The following PIGN variants were observed in gnomAD, a reference collection of about 807,000 sequenced individuals.
PIGN encodes the protein GPI ethanolamine phosphate transferase 1.
A neutral mutation model predicts 125.4 loss-of-function variants in PIGN; 117 were observed. The ratio of observed to expected loss-of-function variants is 0.93; its 90% CI spans 0.80 to 1.09. The LOEUF is 1.09. Among genes scored for constraint, PIGN ranks in the 50% least tolerant of loss-of-function variants. PIGN has a pLI of 0.00. For missense variants in PIGN, 1,075 were observed against 1,094.9 expected, an observed-to-expected ratio of 0.98 and a Z score of 0.26; for synonymous variants, 392 against 377.8, an observed-to-expected ratio of 1.04 and a Z score of -0.44.
downstream of PIGN, among the ~76,000 whole-genome samples, chr18:62,038,308 G>GTTTTTTTTTTTTTTTTTTTTTTTTT (rs34436733): frequency 8.3e-6 from 1 of 120,088 alleles, no homozygotes; most frequent in African/African-American, 3.3e-5. Context: ...CCCCCTCCGT[G>GTTTTTTTTTTTTTTTTTTTTTTTTT]TTTTTTTTTT....
intron 16 of PIGN, 191 bp downstream of exon 16, chr18:62,112,943 T>C: frequency 1.9e-6 from 1 of 528,106 alleles, no homozygotes; most frequent in Non-Finnish European, 3.3e-6. Context: ...GGATCATTAT[T>C]ATCAATATAT....
downstream of PIGN, among the ~76,000 whole-genome samples, chr18:62,038,273 T>C (rs1356475711): frequency 6.6e-6 from 1 of 150,790 alleles, no homozygotes; most frequent in Non-Finnish European, 1.5e-5. Context: ...TCCACCGTGT[T>C]CTTAGAGAGA....
chr18:62,058,468 C>T (rs1319737541), intron 30 of PIGN, among the ~76,000 whole-genome samples: 1 of 152,180 alleles, frequency 6.6e-6, no homozygotes, highest in African/African-American at 2.4e-5. Flanking sequence ...TGGAAAGACG[C>T]AAACGTGAAT....
At chr18:62,118,386 A>G (rs948903160) in intron 14 of PIGN, among the ~76,000 whole-genome samples, 6 of 152,176 alleles carry the variant, frequency 3.9e-5, no homozygotes, top group Admixed American at 1.3e-4. Context: ...AGAAAGCCCA[A>G]TAAAATAAAT....
chr18:62,116,253 C>G (rs1292482270), intron 14 of PIGN, among the ~76,000 whole-genome samples: 1 of 152,142 alleles, frequency 6.6e-6, no homozygotes, highest in African/African-American at 2.4e-5. Context: ...TTTTGGAAGG[C>G]TATATCTAAG....
intron 14 of PIGN, among the ~76,000 whole-genome samples, chr18:62,131,641 T>A (rs1032434877): frequency 6.6e-6 from 1 of 152,286 alleles, no homozygotes; most frequent in African/African-American, 2.4e-5. Flanking sequence ...CTTTAAAATA[T>A]CAAAGAGAAA....
chr18:62,161,254 G>A lies in PIGN; in HGVS notation c.100C>T (p.Pro34Ser). ...FTSPLVHGMT[P>S]QFTPLPPPAR... ...GGAGGAGGCAATGGTGTAAACTGAG[G>A]AGTCATTCCATGAACCAAAGGAGAT... Residue 34 changes from proline to serine, a missense_variant, in exon 4 of 31, where the codon CCT becomes TCT. This residue lies in a region of PIGN where 152 missense variants were observed against 162.9 expected (regional missense o/e 0.93). Coordinates refer to ENST00000640252, the MANE Select transcript of PIGN (RefSeq NM_176787.5). The A allele has an allele frequency of 1.9e-6, 3 of 1,613,700 alleles. No individual in the cohort carries two copies.
At chr18:62,166,295 C>T (rs78091074) in intron 1 of PIGN, among the ~76,000 whole-genome samples, 3 of 152,122 alleles carry the variant, frequency 2.0e-5, no homozygotes, top group African/African-American at 7.2e-5. Context: ...ATCTTTCATG[C>T]CCCTTCTCAA....
intron 26 of PIGN, among the ~76,000 whole-genome samples, chr18:62,084,966 G>A (rs1366395970): frequency 6.6e-6 from 1 of 152,104 alleles, no homozygotes; most frequent in African/African-American, 2.4e-5. Flanking sequence ...AAATTAGCCA[G>A]GCATGGTGGC....
At chr18:62,093,736 C>G (rs1599501373) in intron 23 of PIGN, among the ~76,000 whole-genome samples, 1 of 151,940 alleles carries the variant, frequency 6.6e-6, no homozygotes, top group African/African-American at 2.4e-5. Flanking sequence ...TATAATATAA[C>G]TACATTTCTT....
chr18:62,101,096 T>C lies in PIGN; in HGVS notation c.2056A>G (p.Ile686Val), dbSNP rs776384729. The C allele has an allele frequency of 1.9e-6, 3 of 1,606,878 alleles. No homozygotes were observed. In the Admixed American group the frequency reaches 5.0e-5, roughly 27 times the overall value. The part of the protein sequence containing the change: ...RKQGLPLMNQ[I>V]ISWATLASSL... ...TTACCTAATGTTGCCCAGCTAATAA[T>C]TTGATTCATGAGAGGCAGTCCTTGC... Residue 686 changes from isoleucine to valine, a missense_variant, in exon 22 of 31, where the codon ATT becomes GTT. Around this residue, in one of 3 missense-constraint regions of PIGN, gnomAD observed 915 missense variants for 908.7 expected, o/e 1.01. Transcript: ENST00000640252.
chr18:62,159,152 G>A (rs1446221388), intron 4 of PIGN, among the ~76,000 whole-genome samples: 2 of 152,164 alleles, frequency 1.3e-5, no homozygotes, highest in Non-Finnish European at 2.9e-5. Context: ...GCTGAGGCAG[G>A]AGAATCGCTT....
chr18:62,178,026 G>C (rs182583626), intron 1 of PIGN, among the ~76,000 whole-genome samples: 1 of 151,968 alleles, frequency 6.6e-6, no homozygotes, highest in African/African-American at 2.4e-5. Context: ...TAATTTTTGC[G>C]GGGGATAAAG....
chr18:62,017,820 C>T (rs1211412511), intron 23 of PIGN: 1 of 151,724 alleles, frequency 6.6e-6, no homozygotes, highest in Admixed American at 6.6e-5. Flanking sequence ...CAGCCCCACT[C>T]GGCAACTTCC....
chr18:62,072,446 T>TA, intron 30 of PIGN: 1 of 368,638 alleles, frequency 2.7e-6, no homozygotes, highest in South Asian at 1.0e-4. Context: ...CATAAATACT[T>TA]ACCATTGGGT....
chr18:62,093,681 G>T (rs1426040269), intron 23 of PIGN, among the ~76,000 whole-genome samples: 1 of 151,982 alleles, frequency 6.6e-6, no homozygotes, highest in Non-Finnish European at 1.5e-5. Context: ...ATAAATCAAG[G>T]ATGCATTGTA....
chr18:62,124,939 A>T (rs749813164), intron 14 of PIGN, among the ~76,000 whole-genome samples: 4 of 144,118 alleles, frequency 2.8e-5, no homozygotes, highest in Admixed American at 1.4e-4. Flanking sequence ...ATTATTTTTA[A>T]TAGTTAAATA....
At chr18:62,183,551 G>A (rs2037792103) in intron 1 of PIGN, among the ~76,000 whole-genome samples, 1 of 152,144 alleles carries the variant, frequency 6.6e-6, no homozygotes, top group Admixed American at 6.5e-5. Flanking sequence ...GACTATGCAG[G>A]TGAAGTCAGA....
intron 23 of PIGN, among the ~76,000 whole-genome samples, chr18:62,018,027 T>C (rs1328250909): frequency 2.0e-5 from 3 of 152,220 alleles, no homozygotes. Context: ...TATTCCCATA[T>C]GCATTCCTTC....
Sources: allele counts gnomAD v4.1 joint callset (sites outside exome capture counted in the v4.1 genomes callset), GRCh38; gene constraint gnomAD v4.1.1; regional missense constraint gnomAD v4.1.1; transcripts MANE v1.5; gene names NCBI Gene and HGNC (gene_info 2026-07-23, HGNC 2026-07-21).